PRKG1: variants seen among roughly 807,000 people sequenced by gnomAD.
PRKG1 encodes protein kinase cGMP-dependent 1.
Under a neutral mutation model 88.1 loss-of-function variants are expected in PRKG1, and 35 were observed. The ratio of observed to expected loss-of-function variants is 0.40; its 90% CI spans 0.30 to 0.53. The LOEUF is 0.53. Among genes scored for constraint, PRKG1 ranks in the 20% least tolerant of loss-of-function variants. The pLI is 0.59. For synonymous variants in PRKG1, 303 were observed against 292.5 expected, an observed-to-expected ratio of 1.04 and a Z score of -0.37; for missense variants, 540 against 839.8, an observed-to-expected ratio of 0.64 and a Z score of 4.41.
intron 1 of PRKG1, among the ~76,000 whole-genome samples, chr10:51,080,738 T>G (rs1844088659): frequency 6.6e-6 from 1 of 152,246 alleles, no homozygotes; most frequent in Non-Finnish European, 1.5e-5. Context: ...GAGCTGGTAC[T>G]GTTTGCCACC....
At chr10:51,145,461 G>A (rs1045722526) in intron 1 of PRKG1, among the ~76,000 whole-genome samples, 6 of 152,064 alleles carry the variant, frequency 3.9e-5, no homozygotes, top group East Asian at 1.9e-4. Context: ...AATGAAATGC[G>A]TACGGTCTTA....
intron 5 of PRKG1, among the ~76,000 whole-genome samples, chr10:51,977,434 C>T (rs11000351): frequency 0.2 from 29,962 of 151,924 alleles, 3,817 homozygotes; most frequent in Non-Finnish European, 0.28. Flanking sequence ...TGAACATACG[C>T]ATGCCTGTCT....
At chr10:52,240,386 A>G (rs1840827766) in intron 9 of PRKG1, among the ~76,000 whole-genome samples, 1 of 152,192 alleles carries the variant, frequency 6.6e-6, no homozygotes, top group African/African-American at 2.4e-5. Flanking sequence ...CAAGGAAGGG[A>G]GATAAGACAA....
At chr10:52,130,605 T>A (rs1156356587) in intron 7 of PRKG1, among the ~76,000 whole-genome samples, 1 of 152,154 alleles carries the variant, frequency 6.6e-6, no homozygotes, top group Non-Finnish European at 1.5e-5. Flanking sequence ...GATGGTAGTT[T>A]GTTTATTATT....
At chr10:51,939,981 A>G (rs535290476) in intron 5 of PRKG1, among the ~76,000 whole-genome samples, 3 of 152,016 alleles carry the variant, frequency 2.0e-5, no homozygotes, top group South Asian at 2.1e-4. Flanking sequence ...AGTCTTTTAT[A>G]TACTTGATTT....
intron 2 of PRKG1, among the ~76,000 whole-genome samples, chr10:51,300,737 G>T (rs1840861218): frequency 6.6e-6 from 1 of 152,156 alleles, no homozygotes; most frequent in African/African-American, 2.4e-5. Context: ...ATTACACACT[G>T]AACCTCTGTG....
chr10:51,851,478 C>A (rs1053717579), intron 4 of PRKG1, among the ~76,000 whole-genome samples: 5 of 152,172 alleles, frequency 3.3e-5, no homozygotes, highest in Admixed American at 6.5e-5. Context: ...AGTGTTGAGA[C>A]TGACAAACGC....
chr10:51,670,344 CTAAT>C (rs1840525943), intron 3 of PRKG1, among the ~76,000 whole-genome samples: 1 of 151,770 alleles, frequency 6.6e-6, no homozygotes, highest in Non-Finnish European at 1.5e-5. Flanking sequence ...TGCTTTTTCT[CTAAT>C]TATGTTCATT....
At chr10:52,208,478 G>A (rs576155242) in intron 9 of PRKG1, among the ~76,000 whole-genome samples, 15 of 152,254 alleles carry the variant, frequency 9.9e-5, no homozygotes, top group South Asian at 2.1e-4. Flanking sequence ...ATGCTTTACC[G>A]TAAAATCCTC....
chr10:51,585,838 G>A (rs1838158511), intron 3 of PRKG1, among the ~76,000 whole-genome samples: 1 of 152,152 alleles, frequency 6.6e-6, no homozygotes, highest in Admixed American at 6.6e-5. Flanking sequence ...TGGAGCTGAG[G>A]CCCATAATCC....
At chr10:52,036,363 C>T (rs892036998) in intron 5 of PRKG1, among the ~76,000 whole-genome samples, 5 of 151,284 alleles carry the variant, frequency 3.3e-5, no homozygotes, top group Non-Finnish European at 7.4e-5. Flanking sequence ...AGGCGCAGAT[C>T]CTGAACTAAC....
chr10:51,140,243 G>C (rs6479969), intron 1 of PRKG1, among the ~76,000 whole-genome samples: 52,487 of 151,938 alleles, frequency 0.35, 9,578 homozygotes, highest in African/African-American at 0.48. Flanking sequence ...CACTTTCTCT[G>C]TCTTAACGAT....
chr10:51,007,379 A>G (rs867481194), intron 1 of PRKG1, among the ~76,000 whole-genome samples: 51 of 152,286 alleles, frequency 3.3e-4, no homozygotes, highest in African/African-American at 1.2e-3. Context: ...ATCCGAGTTA[A>G]GTTTTCTACA....
At chr10:51,817,277 A>T (rs976717037) in intron 4 of PRKG1, among the ~76,000 whole-genome samples, 1 of 151,992 alleles carries the variant, frequency 6.6e-6, no homozygotes, top group African/African-American at 2.4e-5. Context: ...TACATGTGCA[A>T]TGGTGGTTTG....
intron 5 of PRKG1, among the ~76,000 whole-genome samples, chr10:52,005,881 T>G (rs141296033): frequency 3.3e-5 from 5 of 151,840 alleles, no homozygotes; most frequent in African/African-American, 1.2e-4. Flanking sequence ...CAGATGCAGA[T>G]CAGGGCCAAC....
chr10:51,741,966 G>A (rs770141000), intron 3 of PRKG1, among the ~76,000 whole-genome samples: 5 of 152,186 alleles, frequency 3.3e-5, no homozygotes, highest in Non-Finnish European at 7.3e-5. Flanking sequence ...TAATAAACAT[G>A]TCTCCCTAAA....
rs572211145 is a variant in PRKG1 at position 51,194,367 on chromosome 10, T to A, written c.478+41037T>A. Among the ~76,000 whole-genome samples, 5 of 152,198 alleles carry A rather than the reference T, an allele frequency of 3.3e-5. No individual in the cohort carries two copies. In the South Asian group the frequency reaches 8.3e-4, roughly 25 times the overall value. ...ACCTGTCATCTGCATTAGGTATTTCTCCTAATGCTATCCCTTCCCTAGCAC... is the reference window on the plus strand; with the variant it reads ...ACCTGTCATCTGCATTAGGTATTTCACCTAATGCTATCCCTTCCCTAGCAC... On this transcript the variant is annotated intron_variant, in intron 2 of 17. Coordinates refer to ENST00000373980, the MANE Select transcript of PRKG1 (RefSeq NM_006258.4).
chr10:51,051,056 A>G (rs1331000427), intron 1 of PRKG1, among the ~76,000 whole-genome samples: 1 of 151,988 alleles, frequency 6.6e-6, no homozygotes, highest in Non-Finnish European at 1.5e-5. Flanking sequence ...TATTTTGGAT[A>G]TGAACACCTC....
intron 1 of PRKG1, among the ~76,000 whole-genome samples, chr10:51,000,460 A>G (rs759833151): frequency 1.6e-4 from 24 of 152,220 alleles, no homozygotes; most frequent in Non-Finnish European, 2.8e-4. Context: ...TCTGAAAATC[A>G]GAATCTTGAC....
Sources: gnomAD v4.1 joint callset for allele counts (sites outside exome capture counted in the v4.1 genomes callset) on GRCh38, gnomAD v4.1.1 for gene constraint, MANE v1.5 for transcripts, NCBI Gene and HGNC (gene_info 2026-07-23, HGNC 2026-07-21) for gene names.